UBQLN1: variants seen among roughly 807,000 people sequenced by gnomAD.
UBQLN1 encodes the protein ubiquilin-1.
UBQLN1 carries 13 observed loss-of-function variants against 65.4 expected under a neutral mutation model. The ratio of observed to expected loss-of-function variants is 0.20; its 90% CI spans 0.13 to 0.32. The LOEUF is 0.32. UBQLN1 is among the 10% of genes least tolerant of loss of function. UBQLN1 has a pLI of 1.00. For synonymous variants in UBQLN1, 267 were observed against 247.8 expected, an observed-to-expected ratio of 1.08 and a Z score of -0.73; for missense variants, 561 against 724.0, an observed-to-expected ratio of 0.77 and a Z score of 2.58.
In UBQLN1 at chr9:83,698,775, T is replaced by C. The variant is rs182557486; in HGVS notation, c.180+8725A>G. ...CAAAAAAATACAAAGTAGCCAAGCA[T>C]GGTGATGTGAGCTTGCAGTCCCAGC... is the stretch of plus-strand genomic sequence containing the variant. On this transcript the variant is annotated intron_variant, in intron 1 of 10. Coordinates refer to ENST00000376395, the MANE Select transcript of UBQLN1 (RefSeq NM_013438.5). Among the ~76,000 whole-genome samples, 248 of 152,192 alleles carry C rather than the reference T, an allele frequency of 1.6e-3. 1 individual carries two copies. Among genetic ancestry groups the C allele is most frequent in the African/African-American group, 5.7e-3 (237 of 41,514 alleles).
chr9:83,672,722 A>G (rs1337865465), intron 6 of UBQLN1, among the ~76,000 whole-genome samples: 1 of 152,256 alleles, frequency 6.6e-6, no homozygotes, highest in African/African-American at 2.4e-5. Flanking sequence ...TGTGACACAG[A>G]GACATGAAGT....
intron 2 of UBQLN1, among the ~76,000 whole-genome samples, chr9:83,683,747 G>C (rs1421294027): frequency 6.6e-6 from 1 of 152,164 alleles, no homozygotes; most frequent in Non-Finnish European, 1.5e-5. Flanking sequence ...TCTTGGCCAG[G>C]TGCGGTGGCT....
At chr9:83,696,645 G>A (rs1268726028) in intron 1 of UBQLN1, among the ~76,000 whole-genome samples, 12 of 147,664 alleles carry the variant, frequency 8.1e-5, no homozygotes, top group African/African-American at 1.0e-4. Flanking sequence ...TCTAAAAAAG[G>A]AAAAAAAAAA....
At chr9:83,696,389 T>C (rs1485195283) in intron 1 of UBQLN1, among the ~76,000 whole-genome samples, 2 of 152,048 alleles carry the variant, frequency 1.3e-5, no homozygotes, top group Non-Finnish European at 2.9e-5. Context: ...AAAATCACAT[T>C]GTTAAAATAT....
chr9:83,699,470 G>T (rs1036159758), intron 1 of UBQLN1, among the ~76,000 whole-genome samples: 3 of 152,132 alleles, frequency 2.0e-5, no homozygotes, highest in Non-Finnish European at 2.9e-5. Flanking sequence ...GGGACTACAG[G>T]TGTGTGCCAC....
intron 1 of UBQLN1, among the ~76,000 whole-genome samples, chr9:83,689,954 T>C (rs1832099122): frequency 6.6e-6 from 1 of 152,204 alleles, no homozygotes; most frequent in Non-Finnish European, 1.5e-5. Flanking sequence ...ACAAATGCAC[T>C]GAATGGTTCA....
intron 6 of UBQLN1, among the ~76,000 whole-genome samples, chr9:83,671,468 G>T (rs1035310505): frequency 1.9e-4 from 29 of 152,266 alleles, no homozygotes; most frequent in African/African-American, 6.3e-4. Context: ...CATGCAGAAT[G>T]AATGCTGTGT....
intron 6 of UBQLN1, among the ~76,000 whole-genome samples, chr9:83,677,473 A>G (rs1410591790): frequency 1.3e-5 from 2 of 152,318 alleles, no homozygotes; most frequent in African/African-American, 4.8e-5. Context: ...GAGGCAGAAG[A>G]ATCACTTGAA....
At chr9:83,700,520 A>T (rs898870885) in intron 1 of UBQLN1, among the ~76,000 whole-genome samples, 2 of 152,212 alleles carry the variant, frequency 1.3e-5, no homozygotes, top group Non-Finnish European at 2.9e-5. Flanking sequence ...ATAAATATAC[A>T]ATTTTTAGTT....
intron 1 of UBQLN1, among the ~76,000 whole-genome samples, chr9:83,703,373 T>G (rs750994406): frequency 6.6e-6 from 1 of 152,172 alleles, no homozygotes; most frequent in Non-Finnish European, 1.5e-5. Context: ...TGTATACAGT[T>G]TGTTTCACTC....
At chr9:83,687,518 A>C (rs1832059177) in intron 1 of UBQLN1, among the ~76,000 whole-genome samples, 1 of 152,202 alleles carries the variant, frequency 6.6e-6, no homozygotes, top group African/African-American at 2.4e-5. Flanking sequence ...CAGATAAGGA[A>C]ATTGCTGCCA....
At chr9:83,675,719 A>G (rs1343872703) in intron 6 of UBQLN1, among the ~76,000 whole-genome samples, 3 of 152,228 alleles carry the variant, frequency 2.0e-5, no homozygotes, top group Admixed American at 1.3e-4. Flanking sequence ...CCACACTGAT[A>G]AATATGCTAT....
intron 8 of UBQLN1, 198 bp from the exon 9 acceptor site, chr9:83,665,343 C>T (rs1235622452): frequency 4.5e-6 from 2 of 444,488 alleles, no homozygotes; most frequent in South Asian, 4.7e-5. Context: ...TATTACTTGA[C>T]CTCCTCCTAA....
At chr9:83,686,446 C>A (rs1179926974) in intron 1 of UBQLN1, among the ~76,000 whole-genome samples, 2 of 152,032 alleles carry the variant, frequency 1.3e-5, no homozygotes, top group Admixed American at 6.6e-5. Flanking sequence ...GAGATGCATC[C>A]TTTTTATGTC....
At chr9:83,699,520 G>A (rs1274003682) in intron 1 of UBQLN1, among the ~76,000 whole-genome samples, 1 of 151,998 alleles carries the variant, frequency 6.6e-6, no homozygotes, top group Non-Finnish European at 1.5e-5. Context: ...AGACAGGCTG[G>A]TCTCGAACTC....
chr9:83,686,012 T>C lies in UBQLN1; in HGVS notation c.324A>G (p.Thr108=). ...ATCTTCCAAAACCATACCTGTTTTG[T>C]GTTTTAATGACAAGGTGAACAGTAA... ...DGLTVHLVIK[T]QNRPQDHSAQ... is the part of the protein sequence containing the mutation. The change falls in exon 2 of 11, where the codon ACA becomes ACG. Residue 108 remains threonine, a synonymous_variant. Coordinates refer to ENST00000376395, the MANE Select transcript of UBQLN1 (RefSeq NM_013438.5). 1 of 1,604,710 alleles carries C rather than the reference T, an allele frequency of 6.2e-7. No individual in the cohort carries two copies. The highest frequency in any genetic ancestry group is 8.5e-7 in the Non-Finnish European group (1 of 1,176,796).
chr9:83,686,206 A>AC (rs1467839953), intron 1 of UBQLN1, 51 bp from the exon 2 acceptor site: 1 of 1,283,718 alleles, frequency 7.8e-7, no homozygotes, highest in Admixed American at 3.0e-5. Context: ...ACAGCACCAT[A>AC]CAGTCTAGTT....
chr9:83,694,498 T>C (rs2131179686), intron 1 of UBQLN1, among the ~76,000 whole-genome samples: 1 of 152,292 alleles, frequency 6.6e-6, no homozygotes, highest in Non-Finnish European at 1.5e-5. Flanking sequence ...TATACAAGGA[T>C]GCCAAGTATG....
At chr9:83,698,603 T>C (rs1428441314) in intron 1 of UBQLN1, among the ~76,000 whole-genome samples, 1 of 152,184 alleles carries the variant, frequency 6.6e-6, no homozygotes, top group Non-Finnish European at 1.5e-5. Flanking sequence ...TATAATGGAA[T>C]ATTATTCAGT....
Sources: allele counts gnomAD v4.1 joint callset (sites outside exome capture counted in the v4.1 genomes callset), GRCh38; gene constraint gnomAD v4.1.1; transcripts MANE v1.5; gene names NCBI Gene and HGNC (gene_info 2026-07-23, HGNC 2026-07-21).